TANC2: variants seen among roughly 807,000 people sequenced by gnomAD.
The protein encoded by TANC2 is tetratricopeptide repeat, ankyrin repeat and coiled-coil containing 2, also known as protein TANC2.
TANC2 carries 26 observed loss-of-function variants against 210.5 expected under a neutral mutation model. The ratio of observed to expected loss-of-function variants is 0.12; its 90% CI spans 0.09 to 0.17. The LOEUF (loss-of-function observed/expected upper bound fraction) is 0.17. TANC2 is among the 10% of genes least tolerant of loss of function. The pLI, the probability that TANC2 is intolerant of heterozygous loss-of-function variation, is 1.00. For missense variants in TANC2, 2,129 were observed against 2,608.9 expected (o/e 0.82, Z 4.01); for synonymous variants, 931 against 967.1 (o/e 0.96, Z 0.69).
intron 2 of TANC2, among the ~76,000 whole-genome samples, chr17:63,028,569 A>G (rs1414221203): frequency 6.6e-6 from 1 of 151,946 alleles, no homozygotes; most frequent in Non-Finnish European, 1.5e-5. Flanking sequence ...ATTTGCCTCA[A>G]CTCCCCATCT....
intron 1 of TANC2, among the ~76,000 whole-genome samples, chr17:63,003,340 T>C (rs2033472370): frequency 1.3e-5 from 2 of 152,218 alleles, no homozygotes; most frequent in Non-Finnish European, 2.9e-5. Context: ...GTTCTTTATA[T>C]ACAGTAGTCC....
chr17:63,245,789 G>A (rs991655317), intron 8 of TANC2, among the ~76,000 whole-genome samples: 1 of 150,926 alleles, frequency 6.6e-6, no homozygotes, highest in African/African-American at 2.4e-5. Context: ...GTTGCAGTGA[G>A]CTGAGATCGT....
At chr17:63,274,286 G>A (rs925550302) in intron 9 of TANC2, among the ~76,000 whole-genome samples, 5 of 151,670 alleles carry the variant, frequency 3.3e-5, no homozygotes, top group South Asian at 2.1e-4. Flanking sequence ...CCAGAAACCC[G>A]GCCCAACGGG....
chr17:63,303,622 T>C (rs1390978390), intron 9 of TANC2, among the ~76,000 whole-genome samples: 3 of 152,172 alleles, frequency 2.0e-5, no homozygotes, highest in African/African-American at 7.2e-5. Context: ...TCTGTATTTC[T>C]TGAATTTGAA....
intron 1 of TANC2, among the ~76,000 whole-genome samples, chr17:62,987,868 A>G (rs189777944): frequency 2.6e-5 from 4 of 152,286 alleles, no homozygotes; most frequent in East Asian, 3.9e-4. Context: ...CTAGTCAGCT[A>G]TCTTGCTGAA....
At chr17:63,200,423 C>CA in intron 6 of TANC2, among the ~76,000 whole-genome samples, 1 of 150,120 alleles carries the variant, frequency 6.7e-6, no homozygotes, top group African/African-American at 2.4e-5. Context: ...CCAGGTCTTC[C>CA]AAAAAGTTTT....
chr17:63,061,196 G>A (rs1262227766), intron 2 of TANC2, among the ~76,000 whole-genome samples: 1 of 151,986 alleles, frequency 6.6e-6, no homozygotes, highest in Admixed American at 6.6e-5. Flanking sequence ...GTGAAACCTC[G>A]TCTCTACTAA....
chr17:63,142,306 G>A (rs1395099861), intron 4 of TANC2, among the ~76,000 whole-genome samples: 1 of 152,042 alleles, frequency 6.6e-6, no homozygotes, highest in Admixed American at 6.6e-5. Context: ...ATTTTTCCAT[G>A]TCTTAATGAA....
intron 7 of TANC2, among the ~76,000 whole-genome samples, chr17:63,214,603 C>G (rs1260680462): frequency 6.6e-6 from 1 of 152,212 alleles, no homozygotes; most frequent in African/African-American, 2.4e-5. Flanking sequence ...GTAGCTGAAG[C>G]CTTTGCTGTG....
At chr17:63,210,849 G>A (rs1172222464) in intron 7 of TANC2, among the ~76,000 whole-genome samples, 2 of 151,846 alleles carry the variant, frequency 1.3e-5, no homozygotes, top group Non-Finnish European at 2.9e-5. Flanking sequence ...AACATTTTAG[G>A]TTTTCTTTTT....
intron 5 of TANC2, among the ~76,000 whole-genome samples, chr17:63,193,751 G>C (rs1351856079): frequency 6.6e-6 from 1 of 151,836 alleles, no homozygotes; most frequent in Non-Finnish European, 1.5e-5. Context: ...TTTTTTTTCT[G>C]CCTCACATTT....
intron 7 of TANC2, among the ~76,000 whole-genome samples, chr17:63,215,043 A>T (rs956323131): frequency 6.6e-6 from 1 of 152,176 alleles, no homozygotes; most frequent in African/African-American, 2.4e-5. Context: ...CATGCTCATT[A>T]TTTCCCTCTA....
At chr17:63,274,961 C>T (rs1459298680) in intron 9 of TANC2, among the ~76,000 whole-genome samples, 15 of 152,038 alleles carry the variant, frequency 9.9e-5, no homozygotes. Context: ...AAGATAGAAA[C>T]TAAGTTTGCT....
At position 63,356,271 on chromosome 17, in the gene TANC2, A is replaced by G. The variant is rs188378259; in HGVS notation, c.2582+881A>G. On this transcript the variant is annotated intron_variant, in intron 14 of 27. Coordinates refer to ENST00000689528, the Ensembl canonical transcript of TANC2. ...GGGTGTGCTTTTACTCCGTCATACT[A>G]ACATTTTTAAAGACGTATTCCTTTA... 3.0e-3 allele frequency among the ~76,000 whole-genome samples: 450 copies of G among 152,310 alleles called. 1 individual carries two copies. The highest frequency in any genetic ancestry group is 5.5e-3 in the Admixed American group (84 of 15,298).
chr17:63,054,425 A>G (rs1484690653), intron 2 of TANC2, among the ~76,000 whole-genome samples: 2 of 151,952 alleles, frequency 1.3e-5, no homozygotes, highest in Non-Finnish European at 2.9e-5. Context: ...AGGCTGGAGT[A>G]TAGTGGCGCG....
chr17:63,100,156 A>T (rs191817893), intron 4 of TANC2, among the ~76,000 whole-genome samples: 1 of 152,158 alleles, frequency 6.6e-6, no homozygotes, highest in Non-Finnish European at 1.5e-5. Flanking sequence ...CACAAAGGAT[A>T]TGTCGACTGT....
chr17:63,330,970 G>A (rs1379741961), intron 11 of TANC2, among the ~76,000 whole-genome samples: 4 of 152,108 alleles, frequency 2.6e-5, no homozygotes, highest in Admixed American at 2.0e-4. Context: ...CAGCTACTTG[G>A]GAGGCTGAGG....
At chr17:63,327,884 A>T (rs1020371778) in intron 11 of TANC2, among the ~76,000 whole-genome samples, 6 of 152,100 alleles carry the variant, frequency 3.9e-5, no homozygotes, top group Admixed American at 1.3e-4. Context: ...TTAACTCATC[A>T]TTTAGCATTA....
At chr17:63,239,947 T>C (rs2042728895) in intron 8 of TANC2, among the ~76,000 whole-genome samples, 1 of 151,956 alleles carries the variant, frequency 6.6e-6, no homozygotes, top group Non-Finnish European at 1.5e-5. Flanking sequence ...GCACACACTT[T>C]TAAATGACCC....
Sources: allele counts gnomAD v4.1 joint callset (sites outside exome capture counted in the v4.1 genomes callset), GRCh38; gene constraint gnomAD v4.1.1; transcripts MANE v1.5; gene names NCBI Gene and HGNC (gene_info 2026-07-23, HGNC 2026-07-21).